Variants in GALNTL6 observed in about 807,000 individuals in gnomAD.
GALNTL6 encodes the protein polypeptide N-acetylgalactosaminyltransferase like 6, also known as polypeptide N-acetylgalactosaminyltransferase-like 6.
In GALNTL6, 46 loss-of-function variants were observed where a neutral mutation model predicts 73.7. The ratio of observed to expected loss-of-function variants is 0.62; its 90% CI spans 0.49 to 0.80. The LOEUF is 0.80. Ranked by LOEUF, GALNTL6 falls within the 30% of genes least tolerant of loss-of-function variation. GALNTL6 has a pLI of 0.00. For missense variants in GALNTL6, 604 were observed against 755.0 expected, an observed-to-expected ratio of 0.80 and a Z score of 2.34; for synonymous variants, 259 against 263.7, an observed-to-expected ratio of 0.98 and a Z score of 0.17.
intron 5 of GALNTL6, among the ~76,000 whole-genome samples, chr4:172,486,563 C>G (rs1733677870): frequency 6.6e-6 from 1 of 152,202 alleles, no homozygotes; most frequent in Non-Finnish European, 1.5e-5. Context: ...TCATTAGAAA[C>G]TGTCATTCCA....
At chr4:172,710,084 CTATAAT>C (rs1231270483) in intron 5 of GALNTL6, among the ~76,000 whole-genome samples, 1 of 152,028 alleles carries the variant, frequency 6.6e-6, no homozygotes, top group Non-Finnish European at 1.5e-5. Flanking sequence ...GTATAAATTA[CTATAAT>C]AGATACATTA....
At chr4:172,852,767 A>G (rs1743905274) in intron 7 of GALNTL6, among the ~76,000 whole-genome samples, 1 of 152,202 alleles carries the variant, frequency 6.6e-6, no homozygotes. Context: ...TAATGGAGTT[A>G]TAGGAACTAA....
intron 5 of GALNTL6, among the ~76,000 whole-genome samples, chr4:172,720,993 C>T (rs1735437534): frequency 6.6e-6 from 1 of 152,134 alleles, no homozygotes; most frequent in Non-Finnish European, 1.5e-5. Flanking sequence ...TGTAGCATGT[C>T]ACCATAGAAA....
intron 5 of GALNTL6, among the ~76,000 whole-genome samples, chr4:172,674,773 C>G (rs1732187779): frequency 6.6e-6 from 1 of 152,126 alleles, no homozygotes; most frequent in Non-Finnish European, 1.5e-5. Flanking sequence ...GCTATTAACA[C>G]TCCTGATTGA....
intron 5 of GALNTL6, among the ~76,000 whole-genome samples, chr4:172,462,700 A>G (rs1264963587): frequency 6.6e-6 from 1 of 152,240 alleles, no homozygotes; most frequent in African/African-American, 2.4e-5. Flanking sequence ...CTAATATATT[A>G]CTAAAGCTTT....
At chr4:171,984,664 T>C (rs1362203689) in intron 2 of GALNTL6, among the ~76,000 whole-genome samples, 2 of 152,136 alleles carry the variant, frequency 1.3e-5, no homozygotes, top group East Asian at 1.9e-4. Context: ...GCTATAATTG[T>C]GTTTCTAAAG....
intron 5 of GALNTL6, among the ~76,000 whole-genome samples, chr4:172,600,267 CT>C (rs763080156): frequency 1.3e-5 from 2 of 151,910 alleles, no homozygotes; most frequent in South Asian, 2.1e-4. Flanking sequence ...AAAAAAAAAT[CT>C]TTAACAAAAG....
At chr4:172,820,311 G>T (rs1741851942) in intron 7 of GALNTL6, among the ~76,000 whole-genome samples, 1 of 152,166 alleles carries the variant, frequency 6.6e-6, no homozygotes. Flanking sequence ...CTTATTGATG[G>T]CACTAATTGA....
intron 5 of GALNTL6, among the ~76,000 whole-genome samples, chr4:172,708,344 C>T (rs565480712): frequency 3.2e-4 from 48 of 152,224 alleles, no homozygotes; most frequent in Admixed American, 1.1e-3. Flanking sequence ...GGGCCTGAGC[C>T]GCCACACCCT....
intron 5 of GALNTL6, among the ~76,000 whole-genome samples, chr4:172,640,142 T>G (rs1291133911): frequency 6.6e-6 from 1 of 152,136 alleles, no homozygotes; most frequent in African/African-American, 2.4e-5. Flanking sequence ...GAAACTGATC[T>G]TATAAAAGTC....
At chr4:172,695,344 T>C (rs982576123) in intron 5 of GALNTL6, among the ~76,000 whole-genome samples, 1 of 152,286 alleles carries the variant, frequency 6.6e-6, no homozygotes, top group African/African-American at 2.4e-5. Context: ...CATTCTTTTG[T>C]GTAACTGATT....
chr4:172,820,613 T>C (rs974202024), intron 7 of GALNTL6, among the ~76,000 whole-genome samples: 1 of 152,204 alleles, frequency 6.6e-6, no homozygotes, highest in Non-Finnish European at 1.5e-5. Context: ...TAGATACTGT[T>C]CATTCTCCCT....
chr4:171,843,006 TAAC>T (rs1395174147), intron 2 of GALNTL6, among the ~76,000 whole-genome samples: 1 of 152,192 alleles, frequency 6.6e-6, no homozygotes, highest in African/African-American at 2.4e-5. Flanking sequence ...CATTGATTGG[TAAC>T]AACATCCTAG....
At position 172,233,893 on chromosome 4, in the gene GALNTL6, A is replaced by G. The variant is rs186043039; in HGVS notation, c.247+4129A>G. On this transcript the variant is annotated intron_variant, in intron 3 of 12. Coordinates refer to ENST00000506823, the MANE Select transcript of GALNTL6 (RefSeq NM_001034845.3). ...GATATTTTCCAATATAGAATAATCT[A>G]TTCTATGGTACATTATTATATTTAT... is the stretch of plus-strand genomic sequence containing the variant. 2.2e-4 allele frequency among the ~76,000 whole-genome samples: 34 copies of G among 152,198 alleles called. 1 individual carries two copies. The East Asian group carries it at 6.4e-3, about 29-fold the overall frequency.
intron 5 of GALNTL6, among the ~76,000 whole-genome samples, chr4:172,365,118 A>C (rs1265874883): frequency 6.6e-6 from 1 of 152,214 alleles, no homozygotes; most frequent in East Asian, 1.9e-4. Flanking sequence ...CTTCTGGCCA[A>C]TTTCAGTCAG....
In GALNTL6 at chr4:172,069,564, AAC is replaced by A. The variant is rs1491579373; in HGVS notation, c.139-160088_139-160087del. 2.8e-5 allele frequency among the ~76,000 whole-genome samples: 2 copies of A among 70,476 alleles called. 1 individual carries two copies. The highest frequency in any genetic ancestry group is 3.2e-4 in the Admixed American group (2 of 6,208). 46.2% of individuals were successfully genotyped at this position (70,476 alleles called of 152,430 possible). ...TATATAACACATATATGTTATATAT[AAC>A]ACATATATGTTATATATTATATATA... On this transcript the variant is annotated intron_variant, in intron 2 of 12. Transcript: ENST00000506823.
At chr4:172,751,548 TG>T (rs1161759173) in intron 5 of GALNTL6, among the ~76,000 whole-genome samples, 3 of 152,226 alleles carry the variant, frequency 2.0e-5, no homozygotes, top group African/African-American at 7.2e-5. Context: ...CTATCTGAAT[TG>T]CAAAGAAAGG....
At chr4:172,401,332 A>T (rs903041377) in intron 5 of GALNTL6, among the ~76,000 whole-genome samples, 3 of 152,266 alleles carry the variant, frequency 2.0e-5, no homozygotes, top group Admixed American at 1.3e-4. Context: ...TTGTATTGTT[A>T]TTAATATCAT....
intron 5 of GALNTL6, among the ~76,000 whole-genome samples, chr4:172,496,305 A>G (rs1185644205): frequency 6.6e-6 from 1 of 152,246 alleles, no homozygotes; most frequent in Non-Finnish European, 1.5e-5. Context: ...TTTACAAAAT[A>G]GATGAATTTA....
Sources: gnomAD v4.1 joint callset for allele counts (sites outside exome capture counted in the v4.1 genomes callset) on GRCh38, gnomAD v4.1.1 for gene constraint, MANE v1.5 for transcripts, NCBI Gene and HGNC (gene_info 2026-07-23, HGNC 2026-07-21) for gene names.